The following NTN1 variants were observed in gnomAD, a reference collection of about 807,000 sequenced individuals.
NTN1 encodes the protein netrin 1, also known as netrin-1.
NTN1 carries 11 observed loss-of-function variants against 54.2 expected under a neutral mutation model. The ratio of observed to expected loss-of-function variants is 0.20; its 90% CI spans 0.13 to 0.34. The LOEUF is 0.34. NTN1 is among the 10% of genes least tolerant of loss of function. NTN1 has a pLI of 1.00. For missense variants in NTN1, 740 were observed against 893.1 expected (o/e 0.83, Z 2.18); for synonymous variants, 371 against 382.0 (o/e 0.97, Z 0.33).
chr17:9,152,141 C>T (rs1053701252), intron 2 of NTN1, among the ~76,000 whole-genome samples: 3 of 152,234 alleles, frequency 2.0e-5, no homozygotes, highest in Non-Finnish European at 2.9e-5. Flanking sequence ...ATCTTGCTGC[C>T]GCTCACTCTT....
intron 2 of NTN1, among the ~76,000 whole-genome samples, chr17:9,036,911 C>T (rs1399848514): frequency 6.6e-6 from 1 of 152,178 alleles, no homozygotes; most frequent in Non-Finnish European, 1.5e-5. Context: ...CCCTCCAACC[C>T]TACTGACAAT....
intron 2 of NTN1, among the ~76,000 whole-genome samples, chr17:9,063,788 TCCGC>T (rs2092006407): frequency 6.6e-6 from 1 of 151,806 alleles, no homozygotes; most frequent in South Asian, 2.1e-4. Context: ...GACCTCGTGA[TCCGC>T]CCGCCTCGGC....
intron 2 of NTN1, among the ~76,000 whole-genome samples, chr17:9,078,211 T>G (rs545223060): frequency 6.6e-6 from 1 of 152,302 alleles, no homozygotes; most frequent in South Asian, 2.1e-4. Flanking sequence ...GCTCTCACAG[T>G]CCAGTCTAGA....
At chr17:9,152,604 C>T (rs2092330863) in intron 2 of NTN1, among the ~76,000 whole-genome samples, 1 of 152,210 alleles carries the variant, frequency 6.6e-6, no homozygotes, top group Non-Finnish European at 1.5e-5. Flanking sequence ...GGCTTCCACC[C>T]TGAGGCTTCT....
intron 2 of NTN1, among the ~76,000 whole-genome samples, chr17:9,043,071 C>A (rs1205444104): frequency 6.6e-6 from 1 of 152,114 alleles, no homozygotes; most frequent in East Asian, 1.9e-4. Context: ...TGAGTCAAAT[C>A]TGGTAATTTG....
chr17:9,206,312 T>C (rs1289500924), intron 5 of NTN1, among the ~76,000 whole-genome samples: 1 of 152,172 alleles, frequency 6.6e-6, no homozygotes, highest in Non-Finnish European at 1.5e-5. Context: ...TTCCAATCCA[T>C]CTTGTTCAGC....
intron 2 of NTN1, among the ~76,000 whole-genome samples, chr17:9,045,582 C>G (rs572892358): frequency 6.6e-6 from 1 of 151,994 alleles, no homozygotes; most frequent in African/African-American, 2.4e-5. Flanking sequence ...TCACAGAATA[C>G]CAGAACCATG....
At chr17:9,126,371 G>A (rs148500405) in intron 2 of NTN1, among the ~76,000 whole-genome samples, 50 of 152,308 alleles carry the variant, frequency 3.3e-4, no homozygotes, top group African/African-American at 9.4e-4. Flanking sequence ...TTAGCCGGGC[G>A]TGGTGGCGCA....
Position 9,151,001 on chromosome 17 carries a change from C to T in NTN1, c.1019-11812C>T, listed in dbSNP as rs373553868. 3.3e-5 allele frequency among the ~76,000 whole-genome samples: 5 copies of T among 152,236 alleles called. No individual in the cohort carries two copies. The South Asian group carries it at 6.2e-4, about 19-fold the overall frequency. On this transcript the variant is annotated intron_variant, in intron 2 of 6. Coordinates refer to ENST00000173229, the MANE Select transcript of NTN1 (RefSeq NM_004822.3). ...CCCAAACCCCACGAAATGCCCTCTC[C>T]GGTCTGTTTGCCGCCAGCCTCTTTG... is the stretch of plus-strand genomic sequence containing the variant.
intron 2 of NTN1, among the ~76,000 whole-genome samples, chr17:9,080,118 C>G (rs2092065953): frequency 6.6e-6 from 1 of 152,250 alleles, no homozygotes; most frequent in South Asian, 2.1e-4. Flanking sequence ...GATTCTCTAG[C>G]AGGCCTGTTT....
chr17:9,223,997 CTG>C (rs527687497), intron 6 of NTN1, among the ~76,000 whole-genome samples: 168 of 152,308 alleles, frequency 1.1e-3, no homozygotes, highest in Middle Eastern at 3.4e-3. Context: ...AGCAGCTACA[CTG>C]TGGAGAGGCA....
chr17:9,037,654 C>T (rs1291880605), intron 2 of NTN1, among the ~76,000 whole-genome samples: 2 of 152,130 alleles, frequency 1.3e-5, no homozygotes, highest in Non-Finnish European at 2.9e-5. Flanking sequence ...CTTTTTCTGC[C>T]TTTACCCAGA....
intron 2 of NTN1, among the ~76,000 whole-genome samples, chr17:9,074,569 A>G (rs899943782): frequency 6.6e-6 from 1 of 152,222 alleles, no homozygotes; most frequent in Admixed American, 6.5e-5. Context: ...GCCCAAGTAG[A>G]CAGATCCAGA....
chr17:9,124,484 C>T (rs548698909), intron 2 of NTN1, among the ~76,000 whole-genome samples: 79 of 152,300 alleles, frequency 5.2e-4, no homozygotes, highest in Non-Finnish European at 9.3e-4. Flanking sequence ...CTTGGCCACA[C>T]CTTGTGCAGG....
chr17:9,047,082 TA>T (rs1249986580), intron 2 of NTN1, among the ~76,000 whole-genome samples: 1 of 152,242 alleles, frequency 6.6e-6, no homozygotes, highest in Non-Finnish European at 1.5e-5. Context: ...ACTTTATTGC[TA>T]AAAAATGCTA....
chr17:9,106,228 A>G (rs1347248604), intron 2 of NTN1, among the ~76,000 whole-genome samples: 3 of 152,066 alleles, frequency 2.0e-5, no homozygotes, highest in Non-Finnish European at 4.4e-5. Flanking sequence ...CTTGCGGGTG[A>G]GATGGAGCAG....
chr17:9,235,504 G>A (rs755389913), intron 6 of NTN1, among the ~76,000 whole-genome samples: 1 of 152,128 alleles, frequency 6.6e-6, no homozygotes, highest in Non-Finnish European at 1.5e-5. Flanking sequence ...CATCGTGTGG[G>A]TGTGTCTTAG....
chr17:9,118,540 T>A (rs2092222028), intron 2 of NTN1, among the ~76,000 whole-genome samples: 1 of 151,982 alleles, frequency 6.6e-6, no homozygotes, highest in Non-Finnish European at 1.5e-5. Context: ...CAAAAACCGG[T>A]TCAGTGGTTT....
In NTN1 at chr17:9,242,043, A is replaced by G. The variant is rs1331088823; in HGVS notation, c.*2075A>G. 1 of 152,518 alleles carries G rather than the reference A, an allele frequency of 6.6e-6. No individual in the cohort carries two copies. The highest frequency in any genetic ancestry group is 2.4e-5 in the African/African-American group (1 of 41,472). The allele number at this position is 152,518 out of a possible 1,614,324, so 9.4% of individuals were successfully genotyped here. A position where few individuals can be genotyped will look rare whatever the true frequency, so the allele number is the denominator to read the frequency against. ...CGGGGTGGGGTAGGGCATGGGGACA[A>G]TCACATCTTCAGAGGAGGCAGCAAA... On this transcript the variant is annotated 3_prime_UTR_variant, in exon 7 of 7. Transcript: ENST00000173229.
Sources: gnomAD v4.1 joint callset for allele counts (sites outside exome capture counted in the v4.1 genomes callset) on GRCh38, gnomAD v4.1.1 for gene constraint, MANE v1.5 for transcripts, NCBI Gene and HGNC (gene_info 2026-07-23, HGNC 2026-07-21) for gene names.